Variants in TCAF1 observed in about 807,000 individuals in gnomAD.
TCAF1 encodes the protein TRPM8 channel associated factor 1.
Under a neutral mutation model 27.3 loss-of-function variants are expected in TCAF1, and 4 were observed. The ratio of observed to expected loss-of-function variants is 0.15; its 90% CI spans 0.07 to 0.34. The LOEUF (loss-of-function observed/expected upper bound fraction) is 0.34. Among genes scored for constraint, TCAF1 ranks in the 10% least tolerant of loss-of-function variants. TCAF1 has a pLI of 1.00. For synonymous variants in TCAF1, 105 were observed against 167.1 expected (o/e 0.63, Z 2.87); for missense variants, 257 against 425.8 (o/e 0.60, Z 3.49).
At position 143,884,995 on chromosome 7, in the gene TCAF1, C is replaced by A. The variant is rs1204661877; in HGVS notation, c.-14-8373G>T. 6.1e-6 allele frequency: 6 copies of A among 985,268 alleles called. No homozygotes were observed. In the South Asian group the frequency reaches 2.3e-4, roughly 39 times the overall value. 61.0% of individuals were successfully genotyped at this position (985,268 alleles called of 1,614,324 possible). The stretch of plus-strand genomic sequence containing the variant: ...AACCCTTTTTGAAAGACATCTACCT[C>A]CCTGGACCCAAAACCCAAGGGGGTC... On this transcript the variant is annotated intron_variant, in intron 1 of 8. Transcript: ENST00000479870.
At chr7:143,868,044 AG>A (rs1314609006) in intron 2 of TCAF1, among the ~76,000 whole-genome samples, 4 of 80,910 alleles carry the variant, frequency 4.9e-5, no homozygotes, top group Admixed American at 1.5e-4. Context: ...TTCTGTAAAA[AG>A]TCTTAAAACT....
rs1014042442 is a variant in TCAF1, at chr7:143,882,736, C to G, written c.-14-6114G>C. On this transcript the variant is annotated intron_variant, in intron 1 of 8. Coordinates refer to ENST00000479870, the MANE Select transcript of TCAF1 (RefSeq NM_014719.3). ...CAGGCTTTTGGAGAGGGCCACTCAC[C>G]AGGTCACCCTGCGATTTCCACGGGG... The G allele has an allele frequency of 4.0e-5, 39 of 985,814 alleles. No homozygotes were observed. The African/African-American group carries it at 6.5e-4, about 16-fold the overall frequency. 61.1% of individuals were successfully genotyped at this position (985,814 alleles called of 1,614,324 possible). A position where few individuals can be genotyped will look rare whatever the true frequency, so the allele number is the denominator to read the frequency against.
chr7:143,852,398 A>G lies in TCAF1; in HGVS notation c.*1735T>C, dbSNP rs1291727509. On this transcript the variant is annotated 3_prime_UTR_variant, in exon 9 of 9. Coordinates refer to ENST00000479870, the MANE Select transcript of TCAF1 (RefSeq NM_014719.3). ...CTGTCACTCTAGAATGAGACATCCT[A>G]AGTAAGGTCCACTGTTTTATGGATC... 5.3e-5 allele frequency: 8 copies of G among 152,366 alleles called. No homozygotes were observed. The highest frequency in any genetic ancestry group is 1.0e-4 in the Non-Finnish European group (7 of 68,190). The allele number at this position is 152,366 out of a possible 1,614,324, so 9.4% of individuals were successfully genotyped here.
Position 143,876,313 on chromosome 7 carries a change from G to A in TCAF1, c.296C>T (p.Ala99Val). 3 of 1,614,210 alleles carry A rather than the reference G, an allele frequency of 1.9e-6. No homozygotes were observed. Among genetic ancestry groups the A allele is most frequent in the South Asian group, 2.2e-5 (2 of 91,078 alleles). The change falls in exon 2 of 9, where the codon GCA becomes GTA. Residue 99 changes from alanine to valine, a missense_variant. Physicochemically the swap from Ala to Val is moderately conservative, Grantham distance 64 (BLOSUM62 0). Transcript: ENST00000479870. ...GAPIGVHPSL[A>V]PLAKILEGSG... ...GCCCTCGAGGATTTTGGCCAAAGGT[G>A]CCAGGGATGGGTGTACACCAATGGG...
At chr7:143,882,979 T>G in intron 1 of TCAF1, 1 of 645,782 alleles carries the variant, frequency 1.5e-6, no homozygotes, top group Non-Finnish European at 1.9e-6. Context: ...CAGCGCTTCT[T>G]TGTGTCGCCG....
Position 143,876,496 on chromosome 7 carries a change from G to A in TCAF1, c.113C>T (p.Pro38Leu). The change falls in exon 2 of 9, where the codon CCT becomes CTT. Residue 38 changes from proline to leucine, a missense_variant. Pro to Leu is a moderately conservative substitution (Grantham distance 98). Transcript: ENST00000479870. ...ELLLIGEASF[P>L]VMVNDMGQVL... ...CTGGCCCATGTCATTCACCATCACA[G>A]GAAATGAAGCCTCTCCAATAAGAAG... 1.3e-6 allele frequency: 2 copies of A among 1,588,762 alleles called. No homozygotes were observed. Among genetic ancestry groups the A allele is most frequent in the Non-Finnish European group, 1.7e-6 (2 of 1,170,184 alleles).
chr7:143,897,176 A>ATT, intron 1 of TCAF1, among the ~76,000 whole-genome samples: 1 of 121,998 alleles, frequency 8.2e-6, no homozygotes, highest in Non-Finnish European at 1.7e-5. Flanking sequence ...ATATATATAT[A>ATT]TTCATATATA....
intron 1 of TCAF1, among the ~76,000 whole-genome samples, chr7:143,894,015 T>C (rs866578260): frequency 1.3e-5 from 2 of 151,404 alleles, no homozygotes; most frequent in Admixed American, 6.6e-5. Flanking sequence ...AGAGAGAGAA[T>C]CCATTATAAT....
intron 1 of TCAF1, among the ~76,000 whole-genome samples, chr7:143,883,394 C>T (rs1455924775): frequency 6.6e-6 from 1 of 151,724 alleles, no homozygotes; most frequent in African/African-American, 2.4e-5. Flanking sequence ...TTTGCAGTTA[C>T]GTGTCTTACT....
intron 1 of TCAF1, among the ~76,000 whole-genome samples, chr7:143,887,909 T>C (rs1310912417): frequency 6.6e-6 from 1 of 152,210 alleles, no homozygotes; most frequent in Non-Finnish European, 1.5e-5. Flanking sequence ...ATATTTGATA[T>C]TAAGACTTAG....
intron 2 of TCAF1, among the ~76,000 whole-genome samples, chr7:143,875,585 C>T (rs1333874315): frequency 6.6e-6 from 1 of 152,198 alleles, no homozygotes; most frequent in Non-Finnish European, 1.5e-5. Flanking sequence ...CATTTCAAAA[C>T]CTTCCCCACA....
chr7:143,887,030 C>G (rs1348499163), intron 1 of TCAF1, among the ~76,000 whole-genome samples: 2 of 151,924 alleles, frequency 1.3e-5, no homozygotes, highest in African/African-American at 4.8e-5. Context: ...TGAGCTGGTT[C>G]TATCTCCTCT....
At chr7:143,879,441 C>A (rs1308019132) in intron 1 of TCAF1, among the ~76,000 whole-genome samples, 1 of 152,154 alleles carries the variant, frequency 6.6e-6, no homozygotes, top group African/African-American at 2.4e-5. Flanking sequence ...ATGTTTAATA[C>A]TTAAAAGACC....
In TCAF1 at chr7:143,876,180, T is replaced by C; in HGVS notation, c.429A>G (p.Lys143=). 6.2e-7 allele frequency: 1 copy of C among 1,614,230 alleles called. No individual in the cohort carries two copies. The highest frequency in any genetic ancestry group is 8.5e-7 in the Non-Finnish European group (1 of 1,180,038). The change falls in exon 2 of 9, where the codon AAA becomes AAG. Residue 143 remains lysine (K), a synonymous_variant. Transcript: ENST00000479870. ...CTCCTATGAGCAAGCCGCCACCACA[T>C]TTCATGAACTTGACCAGCTTTTCTG... ...TMTEKLVKFM[K]CGGGLLIGGQ...
Position 143,860,009 on chromosome 7 carries a change from TATAA to T in TCAF1, c.2167+195_2167+198del, listed in dbSNP as rs1330799721. Among the ~76,000 whole-genome samples, 141 of 29,044 alleles carry T rather than the reference TATAA, an allele frequency of 4.9e-3. 2 individuals carry two copies. Among genetic ancestry groups the T allele is most frequent in the South Asian group, 0.019 (13 of 678 alleles). 19.1% of individuals were successfully genotyped at this position (29,044 alleles called of 152,430 possible). On this transcript the variant is annotated intron_variant, in intron 6 of 8. Coordinates refer to ENST00000479870, the MANE Select transcript of TCAF1 (RefSeq NM_014719.3). The stretch of plus-strand genomic sequence containing the variant: ...TATAATATATATTATATAATATATA[TATAA>T]TATATATTATATATTATATATATAA...
intron 1 of TCAF1, among the ~76,000 whole-genome samples, chr7:143,884,390 A>G (rs1813277442): frequency 6.6e-6 from 1 of 152,086 alleles, no homozygotes; most frequent in Admixed American, 6.5e-5. Context: ...AAATCAAGAG[A>G]ACCTGAATTC....
chr7:143,859,952 ATTACGGAAT>A lies in TCAF1; in HGVS notation c.2167+247_2167+255del, dbSNP rs1811848819. ...ATATAATATATATTATATAATATAT[ATTACGGAAT>A]ATATATTATATAATATATATTATAT... On this transcript the variant is annotated intron_variant, in intron 6 of 8. Coordinates refer to ENST00000479870, the MANE Select transcript of TCAF1 (RefSeq NM_014719.3). Among the ~76,000 whole-genome samples the A allele has an allele frequency of 1.6e-4, 9 of 56,994 alleles. 2 individuals are homozygous for A. The highest frequency in any genetic ancestry group is 3.0e-4 in the Non-Finnish European group (9 of 30,284). The allele number at this position is 56,994 out of a possible 152,430, so 37.4% of individuals were successfully genotyped here.
chr7:143,875,699 C>T (rs1012271117), intron 2 of TCAF1, among the ~76,000 whole-genome samples: 1 of 152,138 alleles, frequency 6.6e-6, no homozygotes, highest in African/African-American at 2.4e-5. Context: ...TTAACTATGC[C>T]AACTGTTGGG....
chr7:143,875,441 C>T (rs2116769313), intron 2 of TCAF1, among the ~76,000 whole-genome samples: 1 of 152,306 alleles, frequency 6.6e-6, no homozygotes, highest in African/African-American at 2.4e-5. Flanking sequence ...CACCTGACTC[C>T]TTCATTACTG....
Sources: gnomAD v4.1 joint callset for allele counts (sites outside exome capture counted in the v4.1 genomes callset) on GRCh38, gnomAD v4.1.1 for gene constraint, MANE v1.5 for transcripts, NCBI Gene and HGNC (gene_info 2026-07-23, HGNC 2026-07-21) for gene names.